The following VAV2 variants were observed in gnomAD, a reference collection of about 807,000 sequenced individuals.
VAV2 encodes the protein guanine nucleotide exchange factor VAV2.
VAV2 carries 67 observed loss-of-function variants against 132.5 expected under a neutral mutation model. That is an observed-to-expected ratio of 0.51 (90% CI 0.42 to 0.62). The LOEUF (loss-of-function observed/expected upper bound fraction) is 0.62, where lower values mean the gene tolerates loss of function less well. VAV2 is among the 20% of genes least tolerant of loss of function. The pLI, the probability that VAV2 is intolerant of heterozygous loss-of-function variation, is 0.00. For missense variants in VAV2, 938 were observed against 1,153.6 expected, an observed-to-expected ratio of 0.81 and a Z score of 2.71; for synonymous variants, 492 against 443.5, an observed-to-expected ratio of 1.11 and a Z score of -1.37.
At chr9:133,777,523 G>A in intron 22 of VAV2, 60 bp from the exon 23 acceptor site, 1 of 1,538,308 alleles carries the variant, frequency 6.5e-7, no homozygotes, top group East Asian at 2.2e-5. Context: ...GGGAGTGTGG[G>A]GCCATTTAGA....
intron 2 of VAV2, among the ~76,000 whole-genome samples, chr9:133,874,719 G>A (rs1588299022): frequency 1.3e-5 from 2 of 152,106 alleles, no homozygotes; most frequent in Non-Finnish European, 2.9e-5. Flanking sequence ...TTCTTCCTTG[G>A]ACCCTTCCCT....
intron 4 of VAV2, among the ~76,000 whole-genome samples, chr9:133,816,737 A>AAAAC (rs908708864): frequency 2.6e-5 from 4 of 152,348 alleles, no homozygotes; most frequent in Middle Eastern, 3.4e-3. Context: ...TGACTCTTAG[A>AAAAC]AAACAAACAA....
intron 3 of VAV2, among the ~76,000 whole-genome samples, chr9:133,847,384 C>A (rs1334147454): frequency 6.6e-6 from 1 of 152,234 alleles, no homozygotes; most frequent in Non-Finnish European, 1.5e-5. Context: ...TCCGGGAGGG[C>A]TGAAACCTCG....
intron 2 of VAV2, among the ~76,000 whole-genome samples, chr9:133,878,586 T>G (rs1391035511): frequency 6.6e-6 from 1 of 152,000 alleles, no homozygotes; most frequent in Admixed American, 6.5e-5. Flanking sequence ...AGCCCCCACC[T>G]CCACCACCGC....
chr9:133,900,805 T>TTATTTATTTATTTATG, intron 2 of VAV2, among the ~76,000 whole-genome samples: 1 of 125,650 alleles, frequency 8.0e-6, no homozygotes, highest in Non-Finnish European at 1.8e-5. Context: ...ATTTATTTAT[T>TTATTTATTTATTTATG]TATGTATTTT....
intron 1 of VAV2, among the ~76,000 whole-genome samples, chr9:133,976,045 GAAAATAC>G (rs1842496802): frequency 9.5e-6 from 1 of 105,332 alleles, no homozygotes; most frequent in African/African-American, 4.5e-5. Context: ...AAAAAAAAAA[GAAAATAC>G]AAAAATTAGC....
Position 133,801,288 on chromosome 9 carries a change from G to A in VAV2, c.837-3479C>T, listed in dbSNP as rs527872857. Among the ~76,000 whole-genome samples, 122 of 152,340 alleles carry A rather than the reference G, an allele frequency of 8.0e-4. 2 individuals carry two copies. The highest frequency in any genetic ancestry group is 6.8e-3 in the Middle Eastern group (2 of 294). ...CCTGAAAGGGCCCTGGCCGTGGGACGGGCTTCACACCCGGGCTCACTGCAT... is the reference window on the plus strand; with the variant it reads ...CCTGAAAGGGCCCTGGCCGTGGGACAGGCTTCACACCCGGGCTCACTGCAT... On this transcript the variant is annotated intron_variant, in intron 9 of 29. Transcript: ENST00000371850.
intron 7 of VAV2, 33 bp downstream of exon 7, chr9:133,809,007 T>TGCCATTTTCCAGTGGCCGCC: frequency 6.3e-7 from 1 of 1,598,774 alleles, no homozygotes; most frequent in Non-Finnish European, 8.6e-7. Context: ...CAGTGGCCGC[T>TGCCATTTTCCAGTGGCCGCC]GCCATTTTCC....
intron 2 of VAV2, among the ~76,000 whole-genome samples, chr9:133,900,767 ATTTAT>A (rs1839408033): frequency 2.5e-4 from 2 of 7,990 alleles, no homozygotes; most frequent in Non-Finnish European, 5.7e-4. Flanking sequence ...TCCTGTCTTG[ATTTAT>A]TTATTTATTT....
At chr9:133,778,498 T>C (rs2510259) in intron 22 of VAV2, among the ~76,000 whole-genome samples, 151,027 of 152,314 alleles carry the variant, frequency 0.99, 74,884 homozygotes, top group South Asian at 1. Flanking sequence ...GGGCCTCTCC[T>C]GGGAAGGGAC....
intron 1 of VAV2, among the ~76,000 whole-genome samples, chr9:133,945,575 A>G (rs887318037): frequency 6.6e-6 from 1 of 152,218 alleles, no homozygotes; most frequent in Non-Finnish European, 1.5e-5. Context: ...TGGCAGGCCC[A>G]TGCCCGGGAA....
chr9:133,892,449 A>G (rs905919259), intron 2 of VAV2, among the ~76,000 whole-genome samples: 3 of 151,970 alleles, frequency 2.0e-5, no homozygotes, highest in African/African-American at 7.3e-5. Context: ...TTACCAGTGC[A>G]CACACCTCTG....
rs199877332 is a variant in VAV2 at position 133,788,505 on chromosome 9, C to T, written c.1275-19G>A. The T allele has an allele frequency of 6.9e-5, 110 of 1,601,250 alleles. No homozygotes were observed. Among genetic ancestry groups the T allele is most frequent in the South Asian group, 6.4e-4 (58 of 90,836 alleles). Reference sequence around the variant, plus strand: ...CAAGTACCTGGGCCAGGCAGCGCAGCGGGGGATCAGCACCCCAGCACTGTG... The same window carrying T: ...CAAGTACCTGGGCCAGGCAGCGCAGTGGGGGATCAGCACCCCAGCACTGTG... On this transcript the variant is annotated intron_variant, in intron 14 of 29. Transcript: ENST00000371850. The surrounding 1 kb of genome is among the most constrained non-coding windows in gnomAD (Gnocchi z 5.3).
At chr9:133,947,427 C>T (rs1048383477) in intron 1 of VAV2, among the ~76,000 whole-genome samples, 2 of 152,132 alleles carry the variant, frequency 1.3e-5, no homozygotes, top group Non-Finnish European at 2.9e-5. Context: ...TCGTTGGGCG[C>T]GGTGGCTGAC....
At chr9:133,776,959 C>T (rs2131583888) in intron 23 of VAV2, among the ~76,000 whole-genome samples, 1 of 152,298 alleles carries the variant, frequency 6.6e-6, no homozygotes. Context: ...GAAAGAAATA[C>T]CATATTGCCT....
At chr9:133,782,846 C>T (rs1177989945) in intron 19 of VAV2, among the ~76,000 whole-genome samples, 1 of 152,196 alleles carries the variant, frequency 6.6e-6, no homozygotes, top group African/African-American at 2.4e-5. Flanking sequence ...CTGTCTCAGG[C>T]TTTGCACTGC....
Position 133,822,355 on chromosome 9 carries a change from GTC to G in VAV2, c.450-10141_450-10140del, listed in dbSNP as rs1835824462. 3.3e-5 allele frequency among the ~76,000 whole-genome samples: 5 copies of G among 152,162 alleles called. No homozygotes were observed. In the South Asian group the frequency reaches 1.0e-3, roughly 31 times the overall value. ...CCGAGTCGGATGTTTCCTGACCTCC[GTC>G]CACACCTCAGGGTGCTTCATCCCCA... On this transcript the variant is annotated intron_variant, in intron 4 of 29. Coordinates refer to ENST00000371850, the MANE Select transcript of VAV2 (RefSeq NM_001134398.2).
chr9:133,889,498 G>C (rs536941729), intron 2 of VAV2, among the ~76,000 whole-genome samples: 15 of 152,306 alleles, frequency 9.8e-5, no homozygotes, highest in African/African-American at 3.6e-4. Context: ...GAAAGACTAA[G>C]GGATGCTTGG....
Position 133,804,780 on chromosome 9 carries a change from G to C in VAV2, c.836+1301C>G, listed in dbSNP as rs992558853. The stretch of plus-strand genomic sequence containing the variant: ...CAGATGAAGGGAACACCTTGCTGAG[G>C]GCAGGTTAGGGAGCTGTCCTCCCCC... On this transcript the variant is annotated intron_variant, in intron 9 of 29. Transcript: ENST00000371850. The surrounding 1 kb of genome is among the most constrained non-coding windows in gnomAD (Gnocchi z 4.5). Among the ~76,000 whole-genome samples, 4 of 152,168 alleles carry C rather than the reference G, an allele frequency of 2.6e-5. No homozygotes were observed. The highest frequency in any genetic ancestry group is 7.2e-5 in the African/African-American group (3 of 41,440).
Sources: allele counts gnomAD v4.1 joint callset (sites outside exome capture counted in the v4.1 genomes callset), GRCh38; gene constraint gnomAD v4.1.1; non-coding constraint Gnocchi (gnomAD v3.1); transcripts MANE v1.5; gene names NCBI Gene and HGNC (gene_info 2026-07-23, HGNC 2026-07-21).